TSHZ3: variants seen among roughly 807,000 people sequenced by gnomAD.
TSHZ3 encodes teashirt homolog 3.
In TSHZ3, 10 loss-of-function variants were observed where a neutral mutation model predicts 64.5. That is an observed-to-expected ratio of 0.16 (90% CI 0.10 to 0.26). The LOEUF (loss-of-function observed/expected upper bound fraction) is 0.26, where lower values mean the gene tolerates loss of function less well. Among genes scored for constraint, TSHZ3 ranks in the 10% least tolerant of loss-of-function variants. TSHZ3 has a pLI of 1.00. For missense variants in TSHZ3, 1,242 were observed against 1,421.7 expected, an observed-to-expected ratio of 0.87 and a Z score of 2.03; for synonymous variants, 608 against 593.1, an observed-to-expected ratio of 1.03 and a Z score of -0.36.
intron 3 of TSHZ3, among the ~76,000 whole-genome samples, chr19:31,239,498 A>T (rs1975662213): frequency 6.6e-6 from 1 of 152,192 alleles, no homozygotes; most frequent in Non-Finnish European, 1.5e-5. Context: ...GTCTGAAATT[A>T]TCTTGATTTC....
chr19:31,213,874 C>T (rs1443450470), intron 4 of TSHZ3, among the ~76,000 whole-genome samples: 1 of 152,158 alleles, frequency 6.6e-6, no homozygotes, highest in African/African-American at 2.4e-5. Flanking sequence ...TCGAGCTGCC[C>T]CTGGAGTTTA....
chr19:31,317,545 C>T (rs1018164794), intron 1 of TSHZ3, among the ~76,000 whole-genome samples: 1 of 152,188 alleles, frequency 6.6e-6, no homozygotes, highest in Non-Finnish European at 1.5e-5. Context: ...GCAAGGATCA[C>T]AGAAGGCCTA....
At chr19:31,349,491 A>AGAGGAGGAGGAGGTG (rs930122328), upstream of TSHZ3, 12 of 344,976 alleles carry the variant, frequency 3.5e-5, no homozygotes, top group East Asian at 1.4e-4. Context: ...AGGAGGAGGC[A>AGAGGAGGAGGAGGTG]GAGGAGGAGG....
chr19:31,238,369 C>T (rs1011060854), intron 3 of TSHZ3, among the ~76,000 whole-genome samples: 1 of 151,746 alleles, frequency 6.6e-6, no homozygotes, highest in Non-Finnish European at 1.5e-5. Context: ...GATTCTCTTG[C>T]CTCTGCCTCC....
At chr19:31,257,843 C>G (rs1975932000) in intron 1 of TSHZ3, among the ~76,000 whole-genome samples, 1 of 152,188 alleles carries the variant, frequency 6.6e-6, no homozygotes, top group South Asian at 2.1e-4. Context: ...GGCACGAAAG[C>G]AGATCTGACT....
intron 4 of TSHZ3, among the ~76,000 whole-genome samples, chr19:31,220,974 T>A (rs569565501): frequency 4.9e-4 from 74 of 152,300 alleles, no homozygotes; most frequent in Non-Finnish European, 8.1e-4. Context: ...AAGAACAGCA[T>A]AGATGCCAAA....
intron 4 of TSHZ3, among the ~76,000 whole-genome samples, chr19:31,214,824 C>T (rs1311677079): frequency 4.8e-5 from 7 of 146,662 alleles, no homozygotes; most frequent in African/African-American, 1.8e-4. Context: ...AGGAGAATGG[C>T]GTGAACCCGG....
chr19:31,231,987 C>T (rs557050190), intron 3 of TSHZ3, among the ~76,000 whole-genome samples: 20 of 152,230 alleles, frequency 1.3e-4, no homozygotes, highest in South Asian at 6.2e-4. Context: ...CTCCTCTGCC[C>T]TAGAGCTGGT....
intron 1 of TSHZ3, among the ~76,000 whole-genome samples, chr19:31,247,542 GA>G (rs1975772652): frequency 6.6e-6 from 1 of 152,140 alleles, no homozygotes; most frequent in Non-Finnish European, 1.5e-5. Flanking sequence ...GAACACAAAG[GA>G]AGATAAAGGC....
At position 31,219,519 on chromosome 19, in the gene TSHZ3, G is replaced by T. The variant is rs557970851; in HGVS notation, n.686+8486C>A. Among the ~76,000 whole-genome samples the T allele has an allele frequency of 3.9e-5, 6 of 152,110 alleles. No homozygotes were observed. The South Asian group carries it at 1.3e-3, about 32-fold the overall frequency. On this transcript the variant is annotated intron_variant and non_coding_transcript_variant, in intron 4 of 6. Transcript: ENST00000651361. ...AGTTCTGGCCAGTAGAATATTCTATGGTGATGGAAATGTTCTATATTTCCT... is the reference window on the plus strand; with the variant it reads ...AGTTCTGGCCAGTAGAATATTCTATTGTGATGGAAATGTTCTATATTTCCT...
At chr19:31,186,539 G>A (rs1478731743) in intron 5 of TSHZ3, among the ~76,000 whole-genome samples, 1 of 152,226 alleles carries the variant, frequency 6.6e-6, no homozygotes, top group Non-Finnish European at 1.5e-5. Context: ...AAGCCATGCT[G>A]AACTGTGAGT....
At chr19:31,200,030 C>A (rs1019486569) in intron 5 of TSHZ3, among the ~76,000 whole-genome samples, 1 of 151,754 alleles carries the variant, frequency 6.6e-6, no homozygotes, top group African/African-American at 2.4e-5. Flanking sequence ...CCTCTATATA[C>A]CTATTCGAAT....
At chr19:31,309,379 A>C (rs1916390826) in intron 1 of TSHZ3, among the ~76,000 whole-genome samples, 2 of 124,744 alleles carry the variant, frequency 1.6e-5, no homozygotes, top group South Asian at 2.6e-4. Context: ...GGGTGGAGCC[A>C]TATCTTCTGC....
upstream of TSHZ3, among the ~76,000 whole-genome samples, chr19:31,349,812 C>T (rs1365526613): frequency 1.4e-5 from 2 of 144,794 alleles, no homozygotes; most frequent in Admixed American, 1.4e-4. Flanking sequence ...GTCTTCTGCC[C>T]GTGGCGCGGC....
In TSHZ3 at chr19:31,276,169, A is replaced by G. The variant is rs1228041040; in HGVS notation, c.*378T>C. The G allele has an allele frequency of 6.0e-6, 1 of 166,442 alleles. No individual in the cohort carries two copies. Among genetic ancestry groups the G allele is most frequent in the Non-Finnish European group, 1.3e-5 (1 of 77,714 alleles). The allele number at this position is 166,442 out of a possible 1,614,324, so 10.3% of individuals were successfully genotyped here. A position where few individuals can be genotyped will look rare whatever the true frequency, so the allele number is the denominator to read the frequency against. On this transcript the variant is annotated 3_prime_UTR_variant, in exon 2 of 2. Transcript: ENST00000240587. ...TGCTTCAAAGTACTCAGAGGGCTAA[A>G]GATGAAAGGGTGAGAAATGCCAGCA...
chr19:31,215,364 A>G (rs1297760465), intron 4 of TSHZ3, among the ~76,000 whole-genome samples: 1 of 152,258 alleles, frequency 6.6e-6, no homozygotes, highest in East Asian at 1.9e-4. Flanking sequence ...CTTAAATAAC[A>G]TCAATGCTAT....
Position 31,226,977 on chromosome 19 carries a change from C to CTTTTTTTTTTTTTTTTT in TSHZ3, n.686+1011_686+1027dup, listed in dbSNP as rs3030229. 2.8e-3 allele frequency among the ~76,000 whole-genome samples: 182 copies of CTTTTTTTTTTTTTTTTT among 65,652 alleles called. 5 individuals carry two copies. The highest frequency in any genetic ancestry group is 4.0e-3 in the Admixed American group (18 of 4,538). 43.1% of individuals were successfully genotyped at this position (65,652 alleles called of 152,430 possible). A position where few individuals can be genotyped will look rare whatever the true frequency, so the allele number is the denominator to read the frequency against. On this transcript the variant is annotated intron_variant and non_coding_transcript_variant, in intron 4 of 6. Transcript: ENST00000651361. ...TTTTCTTCTCTTTCTTTCTTTCTTTCTTTTTTTTTTTTTTTTTTTGAGATG... is the reference window on the plus strand; with the variant it reads ...TTTTCTTCTCTTTCTTTCTTTCTTTCTTTTTTTTTTTTTTTTTTTTTTTTTTTTTTTTTTTTGAGATG...
chr19:31,156,572 A>C (rs1298287336), intron 5 of TSHZ3, among the ~76,000 whole-genome samples: 2 of 152,192 alleles, frequency 1.3e-5, no homozygotes, highest in Non-Finnish European at 2.9e-5. Context: ...GCAGAAGCAC[A>C]AAGATCTTTA....
At chr19:31,155,896 C>T (rs2145097722) in intron 6 of TSHZ3, among the ~76,000 whole-genome samples, 1 of 152,296 alleles carries the variant, frequency 6.6e-6, no homozygotes, top group East Asian at 1.9e-4. Flanking sequence ...TCACAAGTCC[C>T]TTAGTGACAC....
Sources: allele counts gnomAD v4.1 joint callset (sites outside exome capture counted in the v4.1 genomes callset), GRCh38; gene constraint gnomAD v4.1.1; transcripts MANE v1.5; gene names NCBI Gene and HGNC (gene_info 2026-07-23, HGNC 2026-07-21).